The following FLVCR1 variants were observed in gnomAD, a reference collection of about 807,000 sequenced individuals.
FLVCR1 encodes FLVCR choline and heme transporter 1.
FLVCR1 carries 34 observed loss-of-function variants against 53.6 expected under a neutral mutation model. The ratio of observed to expected loss-of-function variants is 0.63; its 90% CI spans 0.48 to 0.84. FLVCR1 has a LOEUF of 0.84. FLVCR1 is among the 40% of genes least tolerant of loss of function. The probability of loss-of-function intolerance (pLI) is 0.00; values close to 1 mark genes in which losing one functional copy is unlikely to be tolerated. For missense variants in FLVCR1, 677 were observed against 696.7 expected (o/e 0.97, Z 0.32); for synonymous variants, 300 against 286.3 (o/e 1.05, Z -0.48).
At chr1:212,877,131 C>CTT (rs55822947) in intron 3 of FLVCR1, among the ~76,000 whole-genome samples, 18 of 94,602 alleles carry the variant, frequency 1.9e-4, no homozygotes, top group African/African-American at 5.4e-4. Context: ...ACATAAATGT[C>CTT]TTTTTTTTTT....
chr1:212,873,659 C>T (rs985575113), intron 3 of FLVCR1, among the ~76,000 whole-genome samples: 6 of 152,228 alleles, frequency 3.9e-5, no homozygotes, highest in African/African-American at 1.2e-4. Context: ...AGTTTTCTGA[C>T]GGTTCATTCT....
chr1:212,870,169 G>A (rs1664556865), intron 2 of FLVCR1: 1 of 152,152 alleles, frequency 6.6e-6, no homozygotes, highest in Admixed American at 6.5e-5. Flanking sequence ...GCCTTCCAAT[G>A]TAAGGATATT....
chr1:212,860,350 G>GTTTTTTTTTTTTTTGTTTTT (rs1664188410), intron 1 of FLVCR1, among the ~76,000 whole-genome samples: 1 of 85,824 alleles, frequency 1.2e-5, no homozygotes, highest in Non-Finnish European at 2.4e-5. Context: ...TGTGTGTGTG[G>GTTTTTTTTTTTTTTGTTTTT]TTTTTTTTTT....
At chr1:212,884,657 G>A (rs375142366) in intron 4 of FLVCR1, among the ~76,000 whole-genome samples, 10 of 152,168 alleles carry the variant, frequency 6.6e-5, no homozygotes, top group African/African-American at 2.2e-4. Context: ...TCTATACAGT[G>A]TCATACCTTG....
chr1:212,867,897 G>A (rs1329489010), intron 2 of FLVCR1, among the ~76,000 whole-genome samples: 10 of 150,796 alleles, frequency 6.6e-5, no homozygotes, highest in African/African-American at 1.2e-4. Context: ...TCTGCCTCCC[G>A]GGTTCACACC....
rs998058913 is a variant in FLVCR1, at chr1:212,858,459, C to T, written c.7C>T (p.Arg3Trp). ...GCGCCGGGGAGCCTGGGATATGGCG[C>T]GGCCAGACGATGAGGAGGGGGCGGC... The part of the protein sequence containing the change: MA[R>W]PDDEEGAAVA... Residue 3 changes from arginine to tryptophan, a missense_variant, in exon 1 of 10, where the codon CGG becomes TGG. By Grantham distance (101) the Arg-to-Trp change is moderately radical (BLOSUM62 -3). Coordinates refer to ENST00000366971, the MANE Select transcript of FLVCR1 (RefSeq NM_014053.4). 1.1e-5 allele frequency: 16 copies of T among 1,438,022 alleles called. No individual in the cohort carries two copies. Among genetic ancestry groups the T allele is most frequent in the Non-Finnish European group, 1.4e-5 (15 of 1,101,350 alleles). 89.1% of individuals were successfully genotyped at this position (1,438,022 alleles called of 1,614,324 possible).
chr1:212,885,965 C>A (rs1240783231), intron 5 of FLVCR1, among the ~76,000 whole-genome samples: 1 of 151,616 alleles, frequency 6.6e-6, no homozygotes, highest in Non-Finnish European at 1.5e-5. Flanking sequence ...ATACCTACCA[C>A]TTCCGAAGGA....
chr1:212,869,023 A>G (rs1214962239), intron 2 of FLVCR1, among the ~76,000 whole-genome samples: 2 of 152,214 alleles, frequency 1.3e-5, no homozygotes, highest in Non-Finnish European at 2.9e-5. Context: ...AACCTAATAT[A>G]TGTAATATAT....
Position 212,895,752 on chromosome 1 carries a change from C to T in FLVCR1, c.*462C>T. The T allele has an allele frequency of 4.6e-6, 1 of 215,100 alleles. No individual in the cohort carries two copies. Among genetic ancestry groups the T allele is most frequent in the Non-Finnish European group, 9.3e-6 (1 of 107,190 alleles). 13.3% of individuals were successfully genotyped at this position (215,100 alleles called of 1,614,324 possible). ...TATATTCCTAATTGGCTGCCTTTTT[C>T]ACTGTGCTGACCAGCTGTTCAAGCC... On this transcript the variant is annotated 3_prime_UTR_variant, in exon 10 of 10. Coordinates refer to ENST00000366971, the MANE Select transcript of FLVCR1 (RefSeq NM_014053.4).
intron 1 of FLVCR1, among the ~76,000 whole-genome samples, chr1:212,862,562 T>TTGG (rs1358769745): frequency 1.3e-5 from 2 of 152,274 alleles, no homozygotes; most frequent in Non-Finnish European, 2.9e-5. Flanking sequence ...CACATTTTGT[T>TTGG]TATCCATTTA....
In FLVCR1 at chr1:212,858,350, A is replaced by C. The variant is rs1664084433; in HGVS notation, c.-103A>C. 1 of 1,105,408 alleles carries C rather than the reference A, an allele frequency of 9.0e-7. No homozygotes were observed. Among genetic ancestry groups the C allele is most frequent in the Non-Finnish European group, 1.2e-6 (1 of 813,756 alleles). The allele number at this position is 1,105,408 out of a possible 1,614,324, so 68.5% of individuals were successfully genotyped here. ...CCACCGGGGAAGGAGCGGTGGGCCG[A>C]GGGGTTGGAGGTGGGGCCCCAGGAG... is the stretch of plus-strand genomic sequence containing the variant. On this transcript the variant is annotated 5_prime_UTR_variant, in exon 1 of 10. Transcript: ENST00000366971.
At chr1:212,872,531 TACCATAA>T (rs1664629700) in intron 2 of FLVCR1, 140 bp from the exon 3 acceptor site, 1 of 583,270 alleles carries the variant, frequency 1.7e-6, no homozygotes. Context: ...TGAAAACCCT[TACCATAA>T]AAGACTTATA....
chr1:212,858,758 G>T lies in FLVCR1; in HGVS notation c.306G>T (p.Ala102=), dbSNP rs1164572739. The T allele has an allele frequency of 2.5e-6, 4 of 1,613,512 alleles. No individual in the cohort carries two copies. The highest frequency in any genetic ancestry group is 3.4e-6 in the Non-Finnish European group (4 of 1,179,930). Residue 102 remains alanine, a synonymous_variant, in exon 1 of 10, where the codon GCG becomes GCT. Transcript: ENST00000366971. Reference sequence around the variant, plus strand: ...AGAGCAGCCCGCTGCCCCTTACGGCGCTCTCCCCGCGGCGCTTCGTGGTGC... The same window carrying T: ...AGAGCAGCCCGCTGCCCCTTACGGCTCTCTCCCCGCGGCGCTTCGTGGTGC... ...GAESSPLPLT[A]LSPRRFVVLL...
chr1:212,867,901 T>G (rs897948826), intron 2 of FLVCR1, among the ~76,000 whole-genome samples: 2 of 151,310 alleles, frequency 1.3e-5, no homozygotes, highest in African/African-American at 4.9e-5. Context: ...CCTCCCGGGT[T>G]CACACCATTC....
intron 8 of FLVCR1, 46 bp from the exon 9 acceptor site, chr1:212,894,940 A>T (rs1253073312): frequency 3.0e-6 from 4 of 1,331,682 alleles, no homozygotes; most frequent in Non-Finnish European, 4.3e-6. Flanking sequence ...TTTTAAAAAA[A>T]TCTTCACATA....
At chr1:212,860,301 G>A (rs1446778456) in intron 1 of FLVCR1, among the ~76,000 whole-genome samples, 1 of 149,212 alleles carries the variant, frequency 6.7e-6, no homozygotes, top group African/African-American at 2.5e-5. Flanking sequence ...TGAGTTGGTT[G>A]CATCTGCAGG....
chr1:212,885,528 T>G (rs1368062243), intron 5 of FLVCR1, 132 bp downstream of exon 5: 3 of 611,616 alleles, frequency 4.9e-6, no homozygotes, highest in Non-Finnish European at 8.8e-6. Flanking sequence ...ACTAGTAGGT[T>G]CTCTTCACTT....
intron 2 of FLVCR1, among the ~76,000 whole-genome samples, chr1:212,868,677 G>C (rs1417720152): frequency 6.6e-6 from 1 of 152,180 alleles, no homozygotes; most frequent in African/African-American, 2.4e-5. Flanking sequence ...CCAAAGTGCT[G>C]GGATTATAGG....
At chr1:212,863,110 T>C (rs571121864) in intron 1 of FLVCR1, among the ~76,000 whole-genome samples, 28 of 152,342 alleles carry the variant, frequency 1.8e-4, no homozygotes, top group Non-Finnish European at 3.8e-4. Flanking sequence ...GGTCATCTTT[T>C]GTCAGCCTTA....
Sources: allele counts gnomAD v4.1 joint callset (sites outside exome capture counted in the v4.1 genomes callset), GRCh38; gene constraint gnomAD v4.1.1; transcripts MANE v1.5; gene names NCBI Gene and HGNC (gene_info 2026-07-23, HGNC 2026-07-21).